The following LRRC34 variants were observed in gnomAD, a reference collection of about 807,000 sequenced individuals.
LRRC34 encodes the protein leucine-rich repeat-containing protein 34.
LRRC34 carries 44 observed loss-of-function variants against 48.5 expected under a neutral mutation model. The observed-to-expected ratio is 0.91, with a 90% CI of 0.71 to 1.17. LRRC34 has a LOEUF of 1.17. LRRC34 is among the 50% of genes most tolerant of loss of function. The pLI, the probability that LRRC34 is intolerant of heterozygous loss-of-function variation, is 0.00. For missense variants in LRRC34, 502 were observed against 563.0 expected (o/e 0.89, Z 1.10); for synonymous variants, 192 against 197.6 (o/e 0.97, Z 0.24).
chr3:169,799,159 T>C (rs1303846298), intron 7 of LRRC34, among the ~76,000 whole-genome samples: 1 of 152,204 alleles, frequency 6.6e-6, no homozygotes, highest in African/African-American at 2.4e-5. Context: ...AACAACGTGA[T>C]GTAAAACCAC....
At chr3:169,796,098 C>A in intron 9 of LRRC34, 116 bp downstream of exon 9, 1 of 1,371,434 alleles carries the variant, frequency 7.3e-7, no homozygotes, top group African/African-American at 1.5e-5. Context: ...AATACTATGT[C>A]AGTTTAGAAG....
intron 6 of LRRC34, 97 bp downstream of exon 6, chr3:169,803,956 G>T: frequency 8.2e-7 from 1 of 1,212,254 alleles, no homozygotes; most frequent in Non-Finnish European, 1.1e-6. Context: ...TCTGATATTA[G>T]ACATAAGAGG....
chr3:169,793,689 A>G lies in LRRC34; in HGVS notation c.1341T>C (p.Tyr447=), dbSNP rs908910148. 2 of 1,613,886 alleles carry G rather than the reference A, an allele frequency of 1.2e-6. No homozygotes were observed. Among genetic ancestry groups the G allele is most frequent in the Non-Finnish European group, 1.7e-6 (2 of 1,179,880 alleles). ...CAAAACCTGCATTAGATGAGTGGTC[A>G]TAAGATTCTCCATAAGTTGATGTCC... ...YYWTSTYGES[Y]DHSSNAGFAL... Residue 447 remains tyrosine (Y), a synonymous_variant, in exon 11 of 11, where the codon TAT becomes TAC. Coordinates refer to ENST00000446859, the MANE Select transcript of LRRC34 (RefSeq NM_001172779.2).
Position 169,812,473 on chromosome 3 carries a change from T to A in LRRC34, c.76A>T (p.Arg26Trp). ...TGAGTGGAGGCCCAAGCCGGGGACC[T>A]GGCCGGCGCACGGGCGGCCTCCCGG... ...SSREAARAPA[R>W]SPAWASTQAS... is the part of the protein sequence containing the mutation. Residue 26 changes from arginine (R) to tryptophan (W), a missense_variant, in exon 1 of 11, where the codon AGG becomes TGG. By Grantham distance (101) the Arg-to-Trp change is moderately radical. Coordinates refer to ENST00000446859, the MANE Select transcript of LRRC34 (RefSeq NM_001172779.2). The surrounding 1 kb of genome is among the most constrained non-coding windows in gnomAD (Gnocchi z 4.3). 2 of 1,529,690 alleles carry A rather than the reference T, an allele frequency of 1.3e-6. No individual in the cohort carries two copies. Among genetic ancestry groups the A allele is most frequent in the Non-Finnish European group, 1.7e-6 (2 of 1,144,478 alleles). 94.8% of individuals were successfully genotyped at this position (1,529,690 alleles called of 1,614,324 possible).
rs762418016 is a variant in LRRC34 at position 169,807,669 on chromosome 3, G to C, written c.298C>G (p.Arg100Gly). ...GTAACTCTTTCTACTGGCACTAAGCGATTGTTACCAGCAATGTTTAATGTG... is the reference window on the plus strand; with the variant it reads ...GTAACTCTTTCTACTGGCACTAAGCCATTGTTACCAGCAATGTTTAATGTG... ...GITLNIAGNN[R>G]LVPVERVTGE... The change falls in exon 3 of 11, where the codon CGC becomes GGC. Residue 100 changes from arginine (R) to glycine (G), a missense_variant. Transcript: ENST00000446859. 2 of 1,525,108 alleles carry C rather than the reference G, an allele frequency of 1.3e-6. No individual in the cohort carries two copies. The highest frequency in any genetic ancestry group is 3.0e-5 in the African/African-American group (2 of 66,334). The allele number at this position is 1,525,108 out of a possible 1,614,324, so 94.5% of individuals were successfully genotyped here.
chr3:169,800,538 C>T (rs1288078619), intron 7 of LRRC34, 121 bp downstream of exon 7: 4 of 493,634 alleles, frequency 8.1e-6, no homozygotes, highest in African/African-American at 5.9e-5. Context: ...TAGTAGTTTA[C>T]AAGATATAGT....
rs1779626151 is a variant in LRRC34 at position 169,812,464 on chromosome 3, C to T, written c.85G>A (p.Ala29Thr). ...GTACTGGCCTGAGTGGAGGCCCAAG[C>T]CGGGGACCTGGCCGGCGCACGGGCG... ...EAARAPARSP[A>T]WASTQASTPG... Residue 29 changes from alanine (A) to threonine (T), a missense_variant, in exon 1 of 11, where the codon GCT becomes ACT. Transcript: ENST00000446859. This position sits in a 1 kb window ranked among gnomAD's most constrained non-coding sequence, Gnocchi z 4.3. 2 of 1,530,652 alleles carry T rather than the reference C, an allele frequency of 1.3e-6. No individual in the cohort carries two copies. Among genetic ancestry groups the T allele is most frequent in the African/African-American group, 1.4e-5 (1 of 71,596 alleles). 94.8% of individuals were successfully genotyped at this position (1,530,652 alleles called of 1,614,324 possible). A position where few individuals can be genotyped will look rare whatever the true frequency, so the allele number is the denominator to read the frequency against.
intron 4 of LRRC34, among the ~76,000 whole-genome samples, chr3:169,807,134 T>G (rs1159587900): frequency 6.6e-6 from 1 of 152,302 alleles, no homozygotes; most frequent in African/African-American, 2.4e-5. Flanking sequence ...GTAATCAAAA[T>G]ATAATTACAA....
chr3:169,810,010 G>C (rs1163972835), intron 1 of LRRC34, among the ~76,000 whole-genome samples: 2 of 148,466 alleles, frequency 1.3e-5, no homozygotes, highest in Non-Finnish European at 1.5e-5. Flanking sequence ...AAGCTGGAGA[G>C]CAGGAGCGCA....
chr3:169,808,699 C>A lies in LRRC34; in HGVS notation c.186G>T (p.Met62Ile). ...AAGGATTAATTTTCTGGGATTTTTCCATACACAGATTAGAATAATGTTTCT... is the reference window on the plus strand; with the variant it reads ...AAGGATTAATTTTCTGGGATTTTTCAATACACAGATTAGAATAATGTTTCT... Reference protein sequence around the residue: ...GLQKHYSNLCMEKSQKINPFI... With the variant: ...GLQKHYSNLCIEKSQKINPFI... The change falls in exon 2 of 11, where the codon ATG (methionine) becomes ATT (isoleucine). Residue 62 changes from methionine (M) to isoleucine (I), a missense_variant. By Grantham distance (10) the Met-to-Ile change is conservative. Transcript: ENST00000446859. 6.3e-7 allele frequency: 1 copy of A among 1,596,326 alleles called. No individual in the cohort carries two copies. The highest frequency in any genetic ancestry group is 2.2e-5 in the East Asian group (1 of 44,610).
intron 6 of LRRC34, among the ~76,000 whole-genome samples, chr3:169,801,397 A>G (rs1386531604): frequency 1.3e-5 from 2 of 152,126 alleles, no homozygotes; most frequent in Non-Finnish European, 2.9e-5. Flanking sequence ...CTCTGTGGCC[A>G]CCACCCCAGC....
chr3:169,808,022 C>T (rs968834912), intron 2 of LRRC34: 5 of 238,664 alleles, frequency 2.1e-5, no homozygotes, highest in African/African-American at 6.8e-5. Flanking sequence ...CTTAGACTCA[C>T]CCAGCTCAGG....
rs750868504 is a variant in LRRC34 at position 169,795,557 on chromosome 3, T to C, written c.1119A>G (p.Gln373=). 8.1e-6 allele frequency: 13 copies of C among 1,612,890 alleles called. No homozygotes were observed. In the Admixed American group the frequency reaches 1.2e-4, roughly 14 times the overall value. ...IEGEGLVALS[Q]SMKTNLTFSH... Reference sequence around the variant, plus strand: ...AGAAAGTGAGATTTGTTTTCATTGATTGTGAAAGTGCAACAAGTCCTTCTC... The same window carrying C: ...AGAAAGTGAGATTTGTTTTCATTGACTGTGAAAGTGCAACAAGTCCTTCTC... Residue 373 remains glutamine, a synonymous_variant, in exon 10 of 11, where the codon CAA becomes CAG. Coordinates refer to ENST00000446859, the MANE Select transcript of LRRC34 (RefSeq NM_001172779.2).
Position 169,795,561 on chromosome 3 carries a change from G to A in LRRC34, c.1115C>T (p.Ser372Leu), listed in dbSNP as rs1442459614. 6.2e-7 allele frequency: 1 copy of A among 1,612,872 alleles called. No homozygotes were observed. Among genetic ancestry groups the A allele is most frequent in the South Asian group, 1.1e-5 (1 of 90,996 alleles). Residue 372 changes from serine to leucine, a missense_variant, in exon 10 of 11, where the codon TCA (serine) becomes TTA (leucine). Ser to Leu is a moderately radical substitution (Grantham distance 145). Coordinates refer to ENST00000446859, the MANE Select transcript of LRRC34 (RefSeq NM_001172779.2). ...NIEGEGLVAL[S>L]QSMKTNLTFS... ...AGTGAGATTTGTTTTCATTGATTGT[G>A]AAAGTGCAACAAGTCCTTCTCCCTC...
chr3:169,793,990 G>A, intron 10 of LRRC34, 152 bp from the exon 11 acceptor site: 3 of 540,918 alleles, frequency 5.5e-6, no homozygotes, highest in Non-Finnish European at 9.5e-6. Context: ...ATATTTTCCA[G>A]GTATTGTAAA....
intron 7 of LRRC34, among the ~76,000 whole-genome samples, chr3:169,798,307 A>T (rs903853939): frequency 2.0e-5 from 3 of 152,290 alleles, no homozygotes; most frequent in Non-Finnish European, 4.4e-5. Context: ...CCATTCACTG[A>T]GTTTGTGACT....
At chr3:169,808,996 A>C (rs543983345) in intron 1 of LRRC34, among the ~76,000 whole-genome samples, 2 of 152,322 alleles carry the variant, frequency 1.3e-5, no homozygotes, top group Non-Finnish European at 2.9e-5. Context: ...CACTGGCTCA[A>C]GTGAGCACCC....
intron 1 of LRRC34, among the ~76,000 whole-genome samples, chr3:169,810,533 A>G (rs1779524296): frequency 6.6e-6 from 1 of 152,202 alleles, no homozygotes; most frequent in African/African-American, 2.4e-5. Flanking sequence ...CACCTATTTT[A>G]GAAAATTTTC....
chr3:169,804,161 G>GC lies in LRRC34; in HGVS notation c.548_549insG (p.Tyr183Ter). 6.3e-7 allele frequency: 1 copy of GC among 1,591,558 alleles called. No homozygotes were observed. Among genetic ancestry groups the GC allele is most frequent in the Non-Finnish European group, 8.6e-7 (1 of 1,168,946 alleles). ...KVLHKNRTLK[Y>*]LRMTGNKIEN... ...CAATTTTGTTTCCAGTCATTCTTAGGTATTTCAGAGTCCGATTCTTCTGAA... is the reference window on the plus strand; with the variant it reads ...CAATTTTGTTTCCAGTCATTCTTAGGCTATTTCAGAGTCCGATTCTTCTGAA... The change falls in exon 6 of 11, where the codon TAC becomes TAGC. Residue 183 changes from tyrosine to a stop codon, truncating the protein, a stop_gained and frameshift_variant. Coordinates refer to ENST00000446859, the MANE Select transcript of LRRC34 (RefSeq NM_001172779.2). LOFTEE classifies it high-confidence loss of function.
Sources: gnomAD v4.1 joint callset for allele counts (sites outside exome capture counted in the v4.1 genomes callset) on GRCh38, gnomAD v4.1.1 for gene constraint, Gnocchi (gnomAD v3.1) non-coding constraint, MANE v1.5 for transcripts, NCBI Gene and HGNC (gene_info 2026-07-23, HGNC 2026-07-21) for gene names.